The following RALGPS2 variants were observed in gnomAD, a reference collection of about 807,000 sequenced individuals.
RALGPS2 encodes the protein ras-specific guanine nucleotide-releasing factor RalGPS2.
A neutral mutation model predicts 86.8 loss-of-function variants in RALGPS2; 43 were observed. That is an observed-to-expected ratio of 0.50 (90% confidence interval 0.39 to 0.64). RALGPS2 has a LOEUF of 0.64. RALGPS2 is among the 30% of genes least tolerant of loss of function. The pLI, the probability that RALGPS2 is intolerant of heterozygous loss-of-function variation, is 0.00. For synonymous variants in RALGPS2, 243 were observed against 231.3 expected, an observed-to-expected ratio of 1.05 and a Z score of -0.46; for missense variants, 536 against 694.6, an observed-to-expected ratio of 0.77 and a Z score of 2.57.
At chr1:178,753,741 G>A (rs1241247372) in intron 1 of RALGPS2, 2 of 152,106 alleles carry the variant, frequency 1.3e-5, no homozygotes, top group African/African-American at 2.4e-5. Flanking sequence ...AGAAAAAACC[G>A]TAAAACACTT....
chr1:178,887,612 A>G (rs1659546172), intron 13 of RALGPS2, among the ~76,000 whole-genome samples: 1 of 152,184 alleles, frequency 6.6e-6, no homozygotes, highest in South Asian at 2.1e-4. Flanking sequence ...GTAGAAGGAG[A>G]TGCAAAAGGA....
At chr1:178,913,533 T>C (rs1660700737) in intron 19 of RALGPS2, among the ~76,000 whole-genome samples, 1 of 152,242 alleles carries the variant, frequency 6.6e-6, no homozygotes, top group Non-Finnish European at 1.5e-5. Context: ...TGTAGTTGTC[T>C]GGAGGTAAGA....
intron 14 of RALGPS2, 35 bp from the exon 15 acceptor site, chr1:178,892,195 A>G (rs1237480050): frequency 1.3e-6 from 2 of 1,554,534 alleles, no homozygotes; most frequent in Non-Finnish European, 1.8e-6. Context: ...ATAAAAGTAT[A>G]TGTAATATAT....
At chr1:178,907,291 G>A (rs1423190880) in intron 19 of RALGPS2, among the ~76,000 whole-genome samples, 3 of 152,096 alleles carry the variant, frequency 2.0e-5, no homozygotes, top group Admixed American at 2.0e-4. Context: ...ACAAGCTTAA[G>A]GTGAGTTCAA....
chr1:178,775,644 T>C (rs2102101803), intron 1 of RALGPS2, among the ~76,000 whole-genome samples: 1 of 152,280 alleles, frequency 6.6e-6, no homozygotes, highest in Non-Finnish European at 1.5e-5. Context: ...GTGAAAAGAA[T>C]ATTTGACTAG....
At chr1:178,856,190 CAGAGAG>C (rs139246466) in intron 8 of RALGPS2, among the ~76,000 whole-genome samples, 71 of 69,012 alleles carry the variant, frequency 1.0e-3, no homozygotes, top group African/African-American at 2.9e-3. Flanking sequence ...TGTACTTTTC[CAGAGAG>C]AGAGAGATAT....
chr1:178,895,929 A>G (rs1486947703), intron 16 of RALGPS2, among the ~76,000 whole-genome samples: 1 of 151,976 alleles, frequency 6.6e-6, no homozygotes, highest in Non-Finnish European at 1.5e-5. Flanking sequence ...ATACAGATAG[A>G]TAGTATTTGA....
intron 7 of RALGPS2, among the ~76,000 whole-genome samples, chr1:178,823,965 G>T (rs1655628296): frequency 6.6e-6 from 1 of 152,162 alleles, no homozygotes; most frequent in African/African-American, 2.4e-5. Context: ...AAAGCCCTGG[G>T]AACCTCCAGG....
intron 1 of RALGPS2, among the ~76,000 whole-genome samples, chr1:178,769,904 G>A (rs577783934): frequency 8.5e-5 from 13 of 152,186 alleles, no homozygotes; most frequent in Admixed American, 3.3e-4. Context: ...GCATACTGGG[G>A]CCTCACTCAC....
intron 8 of RALGPS2, among the ~76,000 whole-genome samples, chr1:178,838,228 C>T (rs926898387): frequency 2.0e-5 from 3 of 152,232 alleles, no homozygotes; most frequent in Non-Finnish European, 4.4e-5. Flanking sequence ...GCTGCCTCCT[C>T]AAGTGGGTCC....
chr1:178,827,475 A>G (rs1655802904), intron 7 of RALGPS2, among the ~76,000 whole-genome samples: 1 of 149,378 alleles, frequency 6.7e-6, no homozygotes, highest in Non-Finnish European at 1.5e-5. Context: ...GCTCACTGCA[A>G]GCTCCGCCTC....
chr1:178,894,012 C>T lies in RALGPS2; in HGVS notation c.1419C>T (p.Gly473=). Reference sequence around the variant, plus strand: ...GGAGAAAAACTTTGTTAAAAGAAGGCAAAAAGCCTACAGTAAGATTTCATC... The same window carrying T: ...GGAGAAAAACTTTGTTAAAAGAAGGTAAAAAGCCTACAGTAAGATTTCATC... ...VLRRKTLLKE[G]KKPTVASWTK... Residue 473 remains glycine (G), a synonymous_variant, in exon 16 of 20, where the codon GGC becomes GGT. Coordinates refer to ENST00000367635, the MANE Select transcript of RALGPS2 (RefSeq NM_152663.5). The T allele has an allele frequency of 6.3e-7, 1 of 1,580,360 alleles. No homozygotes were observed.
intron 10 of RALGPS2, 143 bp downstream of exon 10, chr1:178,879,135 G>A: frequency 2.6e-6 from 3 of 1,163,010 alleles, no homozygotes; most frequent in Non-Finnish European, 3.4e-6. Context: ...GTACTAACAT[G>A]TATTACTTCT....
chr1:178,780,567 TG>T (rs1188389097), intron 2 of RALGPS2, among the ~76,000 whole-genome samples: 1 of 152,186 alleles, frequency 6.6e-6, no homozygotes, highest in East Asian at 1.9e-4. Context: ...TTCTTCAAAA[TG>T]GCCCCAAATT....
chr1:178,776,917 T>C (rs1209953651), intron 2 of RALGPS2, 96 bp downstream of exon 2: 10 of 921,772 alleles, frequency 1.1e-5, no homozygotes, highest in Non-Finnish European at 1.5e-5. Context: ...CAGAAGTGCA[T>C]TTAGTGCAGA....
chr1:178,902,053 C>T, intron 17 of RALGPS2, 53 bp from the exon 18 acceptor site: 1 of 1,366,168 alleles, frequency 7.3e-7, no homozygotes, highest in Non-Finnish European at 1.0e-6. Flanking sequence ...TGAAGTTTTG[C>T]TAGAATAAAC....
At position 178,732,577 on chromosome 1, in the gene RALGPS2, G is replaced by A. The variant is rs112024051; in HGVS notation, c.-84+7158G>A. 3.2e-3 allele frequency among the ~76,000 whole-genome samples: 484 copies of A among 152,214 alleles called. 1 individual carries two copies. The highest frequency in any genetic ancestry group is 0.011 in the African/African-American group (473 of 41,524). The stretch of plus-strand genomic sequence containing the variant: ...GCCTCCCAAAGTGCTGGGATTACAG[G>A]CGTGAGCCACCACACTCGGCCATGT... On this transcript the variant is annotated intron_variant, in intron 1 of 19. Coordinates refer to ENST00000367635, the MANE Select transcript of RALGPS2 (RefSeq NM_152663.5).
rs572829453 is a variant in RALGPS2, at chr1:178,873,346, A to G, written c.608-4152A>G. Among the ~76,000 whole-genome samples, 3 of 152,338 alleles carry G rather than the reference A, an allele frequency of 2.0e-5. No individual in the cohort carries two copies. In the East Asian group the frequency reaches 5.8e-4, roughly 29 times the overall value. The stretch of plus-strand genomic sequence containing the variant: ...AAAAATGAACAGAAACATTTATTAC[A>G]TAGAAATATATACGTTTAACCTTAT... On this transcript the variant is annotated intron_variant, in intron 8 of 19. Transcript: ENST00000367635.
intron 1 of RALGPS2, among the ~76,000 whole-genome samples, chr1:178,754,270 A>G (rs1347171703): frequency 6.6e-6 from 1 of 151,374 alleles, no homozygotes; most frequent in African/African-American, 2.4e-5. Flanking sequence ...CATACACTAT[A>G]TAATTTCTTA....
Sources: gnomAD v4.1 joint callset for allele counts (sites outside exome capture counted in the v4.1 genomes callset) on GRCh38, gnomAD v4.1.1 for gene constraint, MANE v1.5 for transcripts, NCBI Gene and HGNC (gene_info 2026-07-23, HGNC 2026-07-21) for gene names.